The following HNF4G variants were observed in gnomAD, a reference collection of about 807,000 sequenced individuals.
HNF4G encodes the protein hepatocyte nuclear factor 4-gamma.
In HNF4G, 21 loss-of-function variants were observed where a neutral mutation model predicts 50.9. That is an observed-to-expected ratio of 0.41 (90% CI 0.29 to 0.59). The LOEUF (loss-of-function observed/expected upper bound fraction) is 0.59, where lower values mean the gene tolerates loss of function less well. HNF4G is among the 20% of genes least tolerant of loss of function. HNF4G has a pLI of 0.26. For missense variants in HNF4G, 527 were observed against 559.4 expected (o/e 0.94, Z 0.58); for synonymous variants, 198 against 185.6 (o/e 1.07, Z -0.54).
At chr8:75,495,226 G>A (rs541562391) in intron 2 of HNF4G, among the ~76,000 whole-genome samples, 215 of 152,234 alleles carry the variant, frequency 1.4e-3, no homozygotes, top group African/African-American at 4.7e-3. Flanking sequence ...ATGGTATTTC[G>A]TATCATGCAG....
chr8:75,529,682 G>C (rs75012598), intron 2 of HNF4G, among the ~76,000 whole-genome samples: 36 of 151,898 alleles, frequency 2.4e-4, no homozygotes, highest in African/African-American at 6.5e-4. Flanking sequence ...AACAGAAAAG[G>C]GTTCTGTGAG....
Position 75,463,525 on chromosome 8 carries a change from G to T in HNF4G, c.-143-26564G>T, listed in dbSNP as rs2130612289. On this transcript the variant is annotated intron_variant, in intron 1 of 10. Transcript: ENST00000354370. ...TTCCTTGCCCCTCCTTTCAATATTT[G>T]ACATTTATATTTTAAATTTTGTTCT... 2.0e-5 allele frequency among the ~76,000 whole-genome samples: 3 copies of T among 151,888 alleles called. No homozygotes were observed. The South Asian group carries it at 6.2e-4, about 32-fold the overall frequency.
chr8:75,428,028 A>T (rs1810926967), intron 1 of HNF4G, among the ~76,000 whole-genome samples: 1 of 152,240 alleles, frequency 6.6e-6, no homozygotes, highest in Non-Finnish European at 1.5e-5. Flanking sequence ...ATCAATATGC[A>T]TAAAACATTG....
rs1807453422 is a variant in HNF4G, at chr8:75,566,023, G to A, written c.*1927G>A. 6.6e-6 allele frequency: 1 copy of A among 151,782 alleles called. No homozygotes were observed. Among genetic ancestry groups the A allele is most frequent in the Non-Finnish European group, 1.5e-5 (1 of 67,960 alleles). The allele number at this position is 151,782 out of a possible 1,614,324, so 9.4% of individuals were successfully genotyped here. On this transcript the variant is annotated 3_prime_UTR_variant, in exon 10 of 10. Coordinates refer to ENST00000396423, the MANE Select transcript of HNF4G (RefSeq NM_004133.5). ...TAGATTTTTGTTTACTTTTGGGGGG[G>A]TTCCCTTAGAAGACATTAAAAAAAA...
intron 2 of HNF4G, among the ~76,000 whole-genome samples, chr8:75,494,299 A>AGCAC (rs1812706888): frequency 7.3e-6 from 1 of 137,042 alleles, no homozygotes; most frequent in East Asian, 2.3e-4. Flanking sequence ...TCTCCCATAC[A>AGCAC]GCACACACAC....
chr8:75,505,533 C>G (rs1199099072), intron 2 of HNF4G, among the ~76,000 whole-genome samples: 1 of 152,120 alleles, frequency 6.6e-6, no homozygotes, highest in Non-Finnish European at 1.5e-5. Flanking sequence ...AAACAATATT[C>G]ACTCACTAAA....
At chr8:75,439,110 A>G (rs779160407) in intron 1 of HNF4G, among the ~76,000 whole-genome samples, 2 of 152,050 alleles carry the variant, frequency 1.3e-5, no homozygotes, top group Non-Finnish European at 2.9e-5. Context: ...AATAAATAAC[A>G]TTGTGCATAT....
chr8:75,525,475 G>A (rs1029347139), intron 2 of HNF4G, among the ~76,000 whole-genome samples: 1 of 152,044 alleles, frequency 6.6e-6, no homozygotes, highest in Non-Finnish European at 1.5e-5. Flanking sequence ...GCCTCCATTG[G>A]TTTTTCTAAT....
chr8:75,443,353 T>C (rs965233766), intron 1 of HNF4G, among the ~76,000 whole-genome samples: 6 of 152,200 alleles, frequency 3.9e-5, no homozygotes, highest in African/African-American at 1.4e-4. Flanking sequence ...CATTATCCAG[T>C]TTTCCAGTCT....
At chr8:75,537,504 C>A (rs570948985), upstream of HNF4G, among the ~76,000 whole-genome samples, 107 of 152,182 alleles carry the variant, frequency 7.0e-4, no homozygotes, top group African/African-American at 2.5e-3. Flanking sequence ...CCTTGGCCTA[C>A]CAAAGTGCTG....
chr8:75,514,511 C>T (rs776922423), intron 2 of HNF4G, among the ~76,000 whole-genome samples: 7 of 151,578 alleles, frequency 4.6e-5, no homozygotes, highest in Non-Finnish European at 7.4e-5. Context: ...TGCCACCACA[C>T]CTGGCTAATT....
chr8:75,481,834 A>G (rs1430337383), intron 1 of HNF4G, among the ~76,000 whole-genome samples: 1 of 151,560 alleles, frequency 6.6e-6, no homozygotes, highest in Non-Finnish European at 1.5e-5. Context: ...CCAAACAAAA[A>G]AAAATGTGTA....
intron 1 of HNF4G, among the ~76,000 whole-genome samples, chr8:75,415,142 A>G (rs1810602873): frequency 6.6e-6 from 1 of 152,184 alleles, no homozygotes; most frequent in African/African-American, 2.4e-5. Flanking sequence ...TCTTTTCATG[A>G]GCTTATGTAA....
intron 2 of HNF4G, 89 bp downstream of exon 2, chr8:75,544,068 G>C: frequency 8.7e-7 from 1 of 1,148,630 alleles, no homozygotes; most frequent in Non-Finnish European, 1.2e-6. Context: ...CAGAGTTTTC[G>C]TATATCTGTA....
Position 75,551,376 on chromosome 8 carries a change from T to A in HNF4G, c.383-12T>A, listed in dbSNP as rs774905908. 2.8e-5 allele frequency: 43 copies of A among 1,536,338 alleles called. No individual in the cohort carries two copies. The highest frequency in any genetic ancestry group is 3.7e-5 in the Non-Finnish European group (41 of 1,109,690). On this transcript the variant is annotated splice_polypyrimidine_tract_variant and intron_variant, in intron 3 of 9. Transcript: ENST00000396423. ...AGAAGTGCTCAATAAATACTGTGTT[T>A]TTTCCCCCTAGCTGTACAAAATGAA...
At chr8:75,536,054 C>T (rs764129385), upstream of HNF4G, among the ~76,000 whole-genome samples, 28 of 151,864 alleles carry the variant, frequency 1.8e-4, no homozygotes, top group Non-Finnish European at 3.1e-4. Flanking sequence ...TGTTGTCATT[C>T]TCTCTGGAGT....
intron 1 of HNF4G, among the ~76,000 whole-genome samples, chr8:75,480,397 G>A (rs933218377): frequency 2.6e-5 from 4 of 152,196 alleles, no homozygotes; most frequent in Admixed American, 2.0e-4. Context: ...GCTACTACAG[G>A]TCTTCTCTCT....
At position 75,565,651 on chromosome 8, in the gene HNF4G, A is replaced by G. The variant is rs1382896904; in HGVS notation, c.*1555A>G. 6.6e-6 allele frequency: 1 copy of G among 152,142 alleles called. No homozygotes were observed. Among genetic ancestry groups the G allele is most frequent in the Non-Finnish European group, 1.5e-5 (1 of 68,018 alleles). 9.4% of individuals were successfully genotyped at this position (152,142 alleles called of 1,614,324 possible). On this transcript the variant is annotated 3_prime_UTR_variant, in exon 10 of 10. Transcript: ENST00000396423. Reference sequence around the variant, plus strand: ...AATTGGAAAAACTGGTCGAGTAATTATCAATAATTTTTTTTAAAAAGAGGA... The same window carrying G: ...AATTGGAAAAACTGGTCGAGTAATTGTCAATAATTTTTTTTAAAAAGAGGA...
intron 2 of HNF4G, among the ~76,000 whole-genome samples, chr8:75,491,034 A>G (rs1812617643): frequency 6.6e-6 from 1 of 152,108 alleles, no homozygotes; most frequent in African/African-American, 2.4e-5. Flanking sequence ...ATCCCTCAAA[A>G]TTCATTAGTT....
Sources: allele counts gnomAD v4.1 joint callset (sites outside exome capture counted in the v4.1 genomes callset), GRCh38; gene constraint gnomAD v4.1.1; transcripts MANE v1.5; gene names NCBI Gene and HGNC (gene_info 2026-07-23, HGNC 2026-07-21).